CRYBA4: variants seen among roughly 807,000 people sequenced by gnomAD.
The protein encoded by CRYBA4 is crystallin beta A4, also known as beta-crystallin A4.
In CRYBA4, 30 loss-of-function variants were observed where a neutral mutation model predicts 31.7. The ratio of observed to expected loss-of-function variants is 0.95; its 90% CI spans 0.71 to 1.28. CRYBA4 has a LOEUF of 1.28. CRYBA4 is among the 50% of genes most tolerant of loss of function. The pLI, the probability that CRYBA4 is intolerant of heterozygous loss-of-function variation, is 0.00. For synonymous variants in CRYBA4, 102 were observed against 102.3 expected (o/e 1.00, Z 0.02); for missense variants, 225 against 260.7 (o/e 0.86, Z 0.94).
chr22:26,622,401 G>A (rs1247970531), intron 1 of CRYBA4, among the ~76,000 whole-genome samples, 184 bp from the exon 2 acceptor site: 1 of 152,068 alleles, frequency 6.6e-6, no homozygotes, highest in Non-Finnish European at 1.5e-5. Flanking sequence ...GGGATAGGAT[G>A]GAAGATGGCA....
intron 1 of CRYBA4, 68 bp downstream of exon 1, chr22:26,622,054 C>T: frequency 1.2e-6 from 1 of 832,258 alleles, no homozygotes; most frequent in Non-Finnish European, 1.5e-6. Flanking sequence ...GGCGAGGAAC[C>T]CAGGTCCCCA....
the CRYBA4 span, among the ~76,000 whole-genome samples, chr22:26,597,033 A>G: frequency 6.6e-6 from 1 of 152,174 alleles, no homozygotes; most frequent in Admixed American, 6.5e-5. Context: ...CTAGTCCAAG[A>G]TGCTGGCCAA....
Position 26,630,276 on chromosome 22 carries a change from C to G in CRYBA4, c.444-64C>G, listed in dbSNP as rs147712887. 1.5e-3 allele frequency: 2,456 copies of G among 1,603,422 alleles called. 30 individuals are homozygous for G. The African/African-American group carries it at 0.029, about 19-fold the overall frequency. ...GTGTGCGTGTGCATAGATCCCTTTGCCCCTGTGTTGATCACCATGCTGGTG... is the reference window on the plus strand; with the variant it reads ...GTGTGCGTGTGCATAGATCCCTTTGGCCCTGTGTTGATCACCATGCTGGTG... On this transcript the variant is annotated intron_variant, in intron 5 of 5. Transcript: ENST00000354760.
chr22:26,618,357 G>GT (rs1300634479), upstream of CRYBA4, among the ~76,000 whole-genome samples: 3 of 152,236 alleles, frequency 2.0e-5, no homozygotes, highest in Non-Finnish European at 4.4e-5. Context: ...GGAGACCAGA[G>GT]TTTGAATCCT....
In CRYBA4 at chr22:26,629,734, CAAAA is replaced by C. The variant is rs66906132; in HGVS notation, c.444-587_444-584del. Among the ~76,000 whole-genome samples, 23 of 80,624 alleles carry C rather than the reference CAAAA, an allele frequency of 2.9e-4. 1 individual carries two copies. The Admixed American group carries it at 2.9e-3, about 10-fold the overall frequency. The allele number at this position is 80,624 out of a possible 152,430, so 52.9% of individuals were successfully genotyped here. On this transcript the variant is annotated intron_variant, in intron 5 of 5. Coordinates refer to ENST00000354760, the MANE Select transcript of CRYBA4 (RefSeq NM_001886.3). Reference sequence around the variant, plus strand: ...TGGGCAACAGAGTGAGACTCTGTCTCAAAAAAAAAAAAAAAAAAAAAATCAATGA... The same window carrying C: ...TGGGCAACAGAGTGAGACTCTGTCTCAAAAAAAAAAAAAAAAAATCAATGA...
At chr22:26,621,534 A>G (rs758466236), upstream of CRYBA4, among the ~76,000 whole-genome samples, 1 of 152,204 alleles carries the variant, frequency 6.6e-6, no homozygotes, top group East Asian at 1.9e-4. Flanking sequence ...AGGAATAGGC[A>G]TTTCCTGAAT....
chr22:26,603,795 G>A, the CRYBA4 span, among the ~76,000 whole-genome samples: 1 of 151,280 alleles, frequency 6.6e-6, no homozygotes, highest in African/African-American at 2.4e-5. Flanking sequence ...GTGGTGGCAC[G>A]CACCTGTAGT....
At chr22:26,622,045 G>A (rs943959290) in intron 1 of CRYBA4, 59 bp downstream of exon 1, 4 of 932,296 alleles carry the variant, frequency 4.3e-6, no homozygotes, top group Non-Finnish European at 5.1e-6. Flanking sequence ...ATTCTGGGAG[G>A]CGAGGAACCC....
Position 26,625,498 on chromosome 22 carries a change from A to C in CRYBA4, c.176A>C (p.His59Pro). 6.2e-7 allele frequency: 1 copy of C among 1,614,016 alleles called. No individual in the cohort carries two copies. The change falls in exon 4 of 6, where the codon CAT becomes CCT. Residue 59 changes from histidine to proline, a missense_variant. Transcript: ENST00000354760. The stretch of plus-strand genomic sequence containing the variant: ...GTCTGCAGGTGGGTGGGCTTTGAGC[A>C]TGCTGGCTTCCAAGGGCAGCAGTAC... ...VLSGAWVGFEHAGFQGQQYIL... is the reference protein window; with the variant it reads ...VLSGAWVGFEPAGFQGQQYIL...
At chr22:26,620,238 A>C (rs1053518265), upstream of CRYBA4, among the ~76,000 whole-genome samples, 3 of 152,186 alleles carry the variant, frequency 2.0e-5, no homozygotes, top group African/African-American at 7.2e-5. Flanking sequence ...AATAATAATC[A>C]TCTTTCTTAT....
chr22:26,621,945 T>A, upstream of CRYBA4: 11 of 985,586 alleles, frequency 1.1e-5, no homozygotes, highest in Non-Finnish European at 1.3e-5. Flanking sequence ...GAGCCCGACC[T>A]CGGCTGGTCT....
chr22:26,611,478 T>G, the CRYBA4 span, among the ~76,000 whole-genome samples: 32 of 148,658 alleles, frequency 2.2e-4, 1 homozygote, highest in African/African-American at 4.4e-4. Context: ...TGTTTTTTTT[T>G]TTTTTTTGAG....
chr22:26,602,900 G>A, the CRYBA4 span, among the ~76,000 whole-genome samples: 1 of 152,006 alleles, frequency 6.6e-6, no homozygotes, highest in African/African-American at 2.4e-5. Flanking sequence ...GAGGCGGGCA[G>A]ATCATGTGGT....
the CRYBA4 span, among the ~76,000 whole-genome samples, chr22:26,610,319 C>T: frequency 6.6e-6 from 1 of 152,284 alleles, no homozygotes; most frequent in East Asian, 1.9e-4. Context: ...CTCACTTTCC[C>T]CATGCCTACC....
the CRYBA4 span, among the ~76,000 whole-genome samples, chr22:26,610,005 G>A: frequency 1.3e-5 from 2 of 152,288 alleles, no homozygotes; most frequent in Admixed American, 1.3e-4. Context: ...GAAACTGGAG[G>A]TCTAGGCTTC....
At chr22:26,598,092 A>T in the CRYBA4 span, among the ~76,000 whole-genome samples, 1 of 152,170 alleles carries the variant, frequency 6.6e-6, no homozygotes, top group Admixed American at 6.5e-5. Context: ...CATGTTGGCC[A>T]GGCTGGTCTC....
chr22:26,605,994 T>C, the CRYBA4 span, among the ~76,000 whole-genome samples: 7 of 152,320 alleles, frequency 4.6e-5, no homozygotes, highest in Admixed American at 3.9e-4. Flanking sequence ...TTGTGAACTT[T>C]CTTAAAACAT....
At chr22:26,604,497 G>C in the CRYBA4 span, among the ~76,000 whole-genome samples, 24 of 152,312 alleles carry the variant, frequency 1.6e-4, no homozygotes, top group African/African-American at 5.5e-4. Context: ...AGAAAGAACT[G>C]GTTAATTCTT....
At chr22:26,628,495 G>A in intron 5 of CRYBA4, 65 bp downstream of exon 5, 2 of 1,579,222 alleles carry the variant, frequency 1.3e-6, no homozygotes, top group Non-Finnish European at 1.7e-6. Context: ...TGTACCTCCT[G>A]TGAAAACTGT....
Sources: gnomAD v4.1 joint callset for allele counts (sites outside exome capture counted in the v4.1 genomes callset) on GRCh38, gnomAD v4.1.1 for gene constraint, MANE v1.5 for transcripts, NCBI Gene and HGNC (gene_info 2026-07-23, HGNC 2026-07-21) for gene names.